Variants in ZBTB20 observed in about 807,000 individuals in gnomAD.
The protein encoded by ZBTB20 is zinc finger and BTB domain-containing protein 20.
Under a neutral mutation model 56.9 loss-of-function variants are expected in ZBTB20, and 9 were observed. The observed-to-expected ratio is 0.16, with a 90% CI of 0.10 to 0.28. ZBTB20 has a LOEUF of 0.28. Among genes scored for constraint, ZBTB20 ranks in the 10% least tolerant of loss-of-function variants. ZBTB20 has a pLI of 1.00. For synonymous variants in ZBTB20, 417 were observed against 420.7 expected, an observed-to-expected ratio of 0.99 and a Z score of 0.11; for missense variants, 655 against 1,003.0, an observed-to-expected ratio of 0.65 and a Z score of 4.69.
At chr3:114,368,165 A>T (rs1283104343) in intron 10 of ZBTB20, among the ~76,000 whole-genome samples, 1 of 152,246 alleles carries the variant, frequency 6.6e-6, no homozygotes, top group Non-Finnish European at 1.5e-5. Context: ...TATGAGATGC[A>T]TACTATTTTT....
At chr3:114,585,223 T>A (rs2055057216) in intron 6 of ZBTB20, among the ~76,000 whole-genome samples, 1 of 152,076 alleles carries the variant, frequency 6.6e-6, no homozygotes, top group African/African-American at 2.4e-5. Context: ...ACTGGTGATG[T>A]CCTAGAGAGG....
At chr3:114,452,574 C>T (rs2091689979) in intron 7 of ZBTB20, among the ~76,000 whole-genome samples, 1 of 152,164 alleles carries the variant, frequency 6.6e-6, no homozygotes, top group Non-Finnish European at 1.5e-5. Context: ...AAGGCACTCA[C>T]ACCTCCCAGC....
At chr3:114,495,296 C>T (rs2043161593) in intron 7 of ZBTB20, among the ~76,000 whole-genome samples, 1 of 152,042 alleles carries the variant, frequency 6.6e-6, no homozygotes, top group South Asian at 2.1e-4. Context: ...GGGAGAGTGG[C>T]CTACTGACCA....
chr3:114,735,367 G>C (rs1368507433), intron 5 of ZBTB20, among the ~76,000 whole-genome samples: 1 of 152,060 alleles, frequency 6.6e-6, no homozygotes, highest in East Asian at 1.9e-4. Flanking sequence ...ACTCAAGGCA[G>C]TATGAATCTC....
At chr3:114,761,675 A>C (rs2068451201) in intron 5 of ZBTB20, among the ~76,000 whole-genome samples, 1 of 151,924 alleles carries the variant, frequency 6.6e-6, no homozygotes, top group Non-Finnish European at 1.5e-5. Flanking sequence ...TCTCTAATAA[A>C]AATACAAAAA....
Position 114,327,659 on chromosome 3 carries a change from TTTGA to T in ZBTB20, c.*11342_*11345del, listed in dbSNP as rs1171205757. 3 of 152,144 alleles carry T rather than the reference TTTGA, an allele frequency of 2.0e-5. No individual in the cohort carries two copies. The highest frequency in any genetic ancestry group is 4.8e-5 in the African/African-American group (2 of 41,450). 9.4% of individuals were successfully genotyped at this position (152,144 alleles called of 1,614,324 possible). A position where few individuals can be genotyped will look rare whatever the true frequency, so the allele number is the denominator to read the frequency against. On this transcript the variant is annotated 3_prime_UTR_variant, in exon 12 of 12. Transcript: ENST00000675478. ...GGTGTGAGTTGATGTTATAAACTGGTTTGATTAAGATAAAAGCTGGGTCAAATCT... is the reference window on the plus strand; with the variant it reads ...GGTGTGAGTTGATGTTATAAACTGGTTTAAGATAAAAGCTGGGTCAAATCT...
At chr3:114,402,903 C>T (rs756685092) in intron 7 of ZBTB20, among the ~76,000 whole-genome samples, 4 of 152,114 alleles carry the variant, frequency 2.6e-5, no homozygotes, top group Admixed American at 6.6e-5. Flanking sequence ...TATACTTACC[C>T]GAAATTTCAG....
At chr3:114,981,743 T>C (rs1291348365) in intron 2 of ZBTB20, among the ~76,000 whole-genome samples, 1 of 152,026 alleles carries the variant, frequency 6.6e-6, no homozygotes, top group East Asian at 1.9e-4. Context: ...AGGACACCCT[T>C]TTACTGAGCG....
At chr3:114,803,290 G>C (rs1379466843) in intron 4 of ZBTB20, among the ~76,000 whole-genome samples, 1 of 151,414 alleles carries the variant, frequency 6.6e-6, no homozygotes, top group Non-Finnish European at 1.5e-5. Context: ...TGAAAAAATA[G>C]AGACTCAACA....
At chr3:115,129,896 A>G (rs1358875620) in intron 1 of ZBTB20, among the ~76,000 whole-genome samples, 1 of 152,202 alleles carries the variant, frequency 6.6e-6, no homozygotes, top group Non-Finnish European at 1.5e-5. Flanking sequence ...CCACTCTTCT[A>G]TCTGTTGGAG....
chr3:114,324,606 ACACACT>A lies in ZBTB20; in HGVS notation c.*14393_*14398del, dbSNP rs970316869. On this transcript the variant is annotated 3_prime_UTR_variant, in exon 12 of 12. Coordinates refer to ENST00000675478, the MANE Select transcript of ZBTB20 (RefSeq NM_001348800.3). ...GAAAATTGGTACAAATAGCTCAGTG[ACACACT>A]CACACAGAAGTACAATTATTAAATA... The A allele has an allele frequency of 2.0e-5, 3 of 152,172 alleles. No individual in the cohort carries two copies. The highest frequency in any genetic ancestry group is 7.2e-5 in the African/African-American group (3 of 41,440). 9.4% of individuals were successfully genotyped at this position (152,172 alleles called of 1,614,324 possible). A position where few individuals can be genotyped will look rare whatever the true frequency, so the allele number is the denominator to read the frequency against.
intron 2 of ZBTB20, among the ~76,000 whole-genome samples, chr3:115,054,204 G>A (rs1399629962): frequency 6.6e-6 from 1 of 152,072 alleles, no homozygotes; most frequent in Admixed American, 6.6e-5. Flanking sequence ...TTCTTATTGT[G>A]ATAAAAATAT....
At chr3:114,544,039 T>C (rs984526703) in intron 6 of ZBTB20, among the ~76,000 whole-genome samples, 2 of 152,188 alleles carry the variant, frequency 1.3e-5, no homozygotes, top group Non-Finnish European at 2.9e-5. Flanking sequence ...TCTGGCACTG[T>C]GGTAGGCAGT....
At chr3:114,492,663 A>G (rs555977273) in intron 7 of ZBTB20, among the ~76,000 whole-genome samples, 1 of 152,312 alleles carries the variant, frequency 6.6e-6, no homozygotes, top group South Asian at 2.1e-4. Flanking sequence ...CAAATTATTT[A>G]CCAAAGTTAA....
At chr3:114,505,832 T>A (rs1219145102) in intron 6 of ZBTB20, among the ~76,000 whole-genome samples, 1 of 152,154 alleles carries the variant, frequency 6.6e-6, no homozygotes, top group East Asian at 1.9e-4. Context: ...GCCTGTCAAC[T>A]GATATTCCAT....
At chr3:115,075,097 C>T (rs577723400) in intron 1 of ZBTB20, among the ~76,000 whole-genome samples, 43 of 152,174 alleles carry the variant, frequency 2.8e-4, no homozygotes, top group South Asian at 6.2e-4. Context: ...TGAAGCCTTA[C>T]TACATTATTT....
chr3:114,343,169 T>C (rs1440088997), intron 11 of ZBTB20, among the ~76,000 whole-genome samples: 2 of 148,066 alleles, frequency 1.4e-5, no homozygotes, highest in African/African-American at 5.0e-5. Context: ...GGAAGAAAGA[T>C]CCTGCTTAGG....
At chr3:114,458,911 A>G (rs2092184567) in intron 7 of ZBTB20, among the ~76,000 whole-genome samples, 1 of 152,178 alleles carries the variant, frequency 6.6e-6, no homozygotes, top group Admixed American at 6.6e-5. Context: ...TACTAAAGAA[A>G]CACTCCCAGA....
chr3:115,111,220 T>A (rs2083873440), intron 1 of ZBTB20, among the ~76,000 whole-genome samples: 1 of 152,016 alleles, frequency 6.6e-6, no homozygotes, highest in Non-Finnish European at 1.5e-5. Context: ...CACTTAAACC[T>A]ATGTGAAATT....
Sources: gnomAD v4.1 joint callset for allele counts (sites outside exome capture counted in the v4.1 genomes callset) on GRCh38, gnomAD v4.1.1 for gene constraint, MANE v1.5 for transcripts, NCBI Gene and HGNC (gene_info 2026-07-23, HGNC 2026-07-21) for gene names.